Variants in ZIC5 observed in about 807,000 individuals in gnomAD.
ZIC5 encodes zinc finger protein ZIC 5.
ZIC5 carries 20 observed loss-of-function variants against 28.5 expected under a neutral mutation model. The ratio of observed to expected loss-of-function variants is 0.70; its 90% CI spans 0.49 to 1.02. The LOEUF is 1.02. Ranked by LOEUF, ZIC5 falls within the 50% of genes least tolerant of loss-of-function variation. ZIC5 has a pLI of 0.00. For missense variants in ZIC5, 951 were observed against 899.7 expected (o/e 1.06, Z -0.73); for synonymous variants, 488 against 410.4 (o/e 1.19, Z -2.29).
Position 99,971,527 on chromosome 13 carries a change from A to C in ZIC5, c.77T>G (p.Leu26Arg). The change falls in exon 1 of 2, where the codon CTT becomes CGT. Residue 26 changes from leucine to arginine, a missense_variant. Around this residue, in one of 3 missense-constraint regions of ZIC5, gnomAD observed 784 missense variants for 660.1 expected, o/e 1.19. Transcript: ENST00000267294. ...ADLATAQVQP[L>R]QNMTGFPALA... ...CGCCGGGAAGCCTGTCATATTCTGA[A>C]GCGGCTGGACCTGAGCCGTTGCCAA... 3 of 1,551,966 alleles carry C rather than the reference A, an allele frequency of 1.9e-6. No homozygotes were observed. In the South Asian group the frequency reaches 3.6e-5, roughly 18 times the overall value.
At chr13:99,968,882 C>T (rs2053122579) in intron 1 of ZIC5, among the ~76,000 whole-genome samples, 1 of 152,192 alleles carries the variant, frequency 6.6e-6, no homozygotes, top group South Asian at 2.1e-4. Flanking sequence ...CCAAGGCTCC[C>T]GCCTCGGGCC....
intron 1 of ZIC5, among the ~76,000 whole-genome samples, chr13:99,968,351 G>C (rs531085231): frequency 6.6e-6 from 1 of 152,298 alleles, no homozygotes; most frequent in South Asian, 2.1e-4. Flanking sequence ...CGCCGGGAGG[G>C]GGCAGGAAAT....
chr13:99,971,078 G>T lies in ZIC5; in HGVS notation c.526C>A (p.Arg176=). 7.0e-7 allele frequency: 1 copy of T among 1,433,960 alleles called. No homozygotes were observed. The highest frequency in any genetic ancestry group is 9.1e-7 in the Non-Finnish European group (1 of 1,104,538). 88.8% of individuals were successfully genotyped at this position (1,433,960 alleles called of 1,614,324 possible). ...GGGGCCGTGGCGGAAAGGTCCCTCCGGAGGACGAAGTCCCTGCTGTGGCCT... is the reference window on the plus strand; with the variant it reads ...GGGGCCGTGGCGGAAAGGTCCCTCCTGAGGACGAAGTCCCTGCTGTGGCCT... ...GKGHSRDFVL[R]RDLSATAPAA... is the part of the protein sequence containing the mutation. The change falls in exon 1 of 2, where the codon CGG becomes AGG. Residue 176 remains arginine, a synonymous_variant. Coordinates refer to ENST00000267294, the MANE Select transcript of ZIC5 (RefSeq NM_033132.5).
At chr13:99,966,789 C>T (rs531225584) in intron 1 of ZIC5, among the ~76,000 whole-genome samples, 1 of 152,270 alleles carries the variant, frequency 6.6e-6, no homozygotes, top group African/African-American at 2.4e-5. Flanking sequence ...GCCTCTAGTC[C>T]AGGAAATGGA....
At position 99,970,356 on chromosome 13, in the gene ZIC5, C is replaced by T. The variant is rs1294836101; in HGVS notation, c.1248G>A (p.Glu416=). 2.5e-6 allele frequency: 4 copies of T among 1,603,680 alleles called. No homozygotes were observed. The East Asian group carries it at 9.1e-5, about 36-fold the overall frequency. The change falls in exon 1 of 2, where the codon GAG becomes GAA. Residue 416 remains glutamate (E), a synonymous_variant. Transcript: ENST00000267294. ...PCSKTFGTMH[E]LVNHVTVEHV... ...GCTCCACCGTGACGTGATTCACCAG[C>T]TCGTGCATGGTGCCGAAAGTTTTGG...
Position 99,971,297 on chromosome 13 carries a change from AGGCTGCAGCACG to A in ZIC5, c.295_306del (p.Arg99_Ala102del). 1 of 1,363,464 alleles carries A rather than the reference AGGCTGCAGCACG, an allele frequency of 7.3e-7. No homozygotes were observed. The allele number at this position is 1,363,464 out of a possible 1,614,324, so 84.5% of individuals were successfully genotyped here. On this transcript the variant is annotated inframe_deletion, in exon 1 of 2. Transcript: ENST00000267294. ...CTGCCCGCGCCGGGGTGCGCGACCAAGGCTGCAGCACGGGCGGCGGCTGCCGGAGCCTCCGGG... is the reference window on the plus strand; with the variant it reads ...CTGCCCGCGCCGGGGTGCGCGACCAAGGCGGCGGCTGCCGGAGCCTCCGGG...
At position 99,971,666 on chromosome 13, in the gene ZIC5, T is replaced by G. The variant is rs1237776509; in HGVS notation, c.-63A>C. On this transcript the variant is annotated 5_prime_UTR_variant, in exon 1 of 2. Transcript: ENST00000267294. ...GGGACTTTATTCCCTCTGCCCGCCT[T>G]CAAAAACATGTATGTATTGGGCGCT... The G allele has an allele frequency of 3.2e-6, 5 of 1,556,232 alleles. No homozygotes were observed. In the African/African-American group the frequency reaches 4.1e-5, roughly 13 times the overall value.
chr13:99,970,676 G>A lies in ZIC5; in HGVS notation c.928C>T (p.Leu310=). ...LHGYGAVNLN[L]NLAAAAAAAA... is the part of the protein sequence containing the mutation. ...GCGGCCGCCGCAGCCGCCAGGTTCA[G>A]GTTTAAGTTCACGGCTCCGTAGCCG... Residue 310 remains leucine, a synonymous_variant, in exon 1 of 2, where the codon CTG becomes TTG. Transcript: ENST00000267294. 8.4e-7 allele frequency: 1 copy of A among 1,193,564 alleles called. No homozygotes were observed. Among genetic ancestry groups the A allele is most frequent in the Non-Finnish European group, 1.0e-6 (1 of 953,250 alleles). 73.9% of individuals were successfully genotyped at this position (1,193,564 alleles called of 1,614,324 possible).
intron 1 of ZIC5, among the ~76,000 whole-genome samples, chr13:99,968,142 C>T (rs543356409): frequency 4.6e-5 from 7 of 152,198 alleles, no homozygotes; most frequent in Admixed American, 3.3e-4. Flanking sequence ...GTTCCGGGAT[C>T]CCGGATAACC....
Position 99,965,232 on chromosome 13 carries a change from G to GAATAATATGAATATTCA in ZIC5, c.*144_*145insTGAATATTCATATTATT, listed in dbSNP as rs2053090180. On this transcript the variant is annotated 3_prime_UTR_variant, in exon 2 of 2. Transcript: ENST00000267294. Reference sequence around the variant, plus strand: ...TTAATTAAATGTACAAACACCATAGGGTTTCATACTGAATAAATAGGGCTA... The same window carrying GAATAATATGAATATTCA: ...TTAATTAAATGTACAAACACCATAGGAATAATATGAATATTCAGTTTCATACTGAATAAATAGGGCTA... 2 of 605,342 alleles carry GAATAATATGAATATTCA rather than the reference G, an allele frequency of 3.3e-6. No homozygotes were observed. Among genetic ancestry groups the GAATAATATGAATATTCA allele is most frequent in the Non-Finnish European group, 5.4e-6 (2 of 369,666 alleles). The allele number at this position is 605,342 out of a possible 1,614,324, so 37.5% of individuals were successfully genotyped here. A position where few individuals can be genotyped will look rare whatever the true frequency, so the allele number is the denominator to read the frequency against.
At chr13:99,968,928 C>A (rs982742707) in intron 1 of ZIC5, among the ~76,000 whole-genome samples, 2 of 152,188 alleles carry the variant, frequency 1.3e-5, no homozygotes, top group African/African-American at 4.8e-5. Flanking sequence ...GCCCCGAGCG[C>A]CCCCGGCCCG....
At chr13:99,971,793 G>T (rs1319150215), upstream of ZIC5, 3 of 1,355,610 alleles carry the variant, frequency 2.2e-6, no homozygotes, top group Non-Finnish European at 3.0e-6. Flanking sequence ...GCTGCACAGT[G>T]GGACCGAGAT....
rs1164208780 is a variant in ZIC5 at position 99,963,437 on chromosome 13, T to C, written c.*1940A>G. 1 of 152,544 alleles carries C rather than the reference T, an allele frequency of 6.6e-6. No individual in the cohort carries two copies. Among genetic ancestry groups the C allele is most frequent in the Non-Finnish European group, 1.5e-5 (1 of 68,020 alleles). 9.4% of individuals were successfully genotyped at this position (152,544 alleles called of 1,614,324 possible). ...TATTCAAGTTTTAAGGTCTTTTTCTTTATAAAGGAGGGTCTGCATGTTTCA... is the reference window on the plus strand; with the variant it reads ...TATTCAAGTTTTAAGGTCTTTTTCTCTATAAAGGAGGGTCTGCATGTTTCA... On this transcript the variant is annotated 3_prime_UTR_variant, in exon 2 of 2. Transcript: ENST00000267294.
Position 99,970,553 on chromosome 13 carries a change from G to A in ZIC5, c.1051C>T (p.Pro351Ser), listed in dbSNP as rs2053144026. The A allele has an allele frequency of 1.9e-6, 2 of 1,064,384 alleles. No homozygotes were observed. The highest frequency in any genetic ancestry group is 3.3e-5 in the South Asian group (1 of 29,982). 65.9% of individuals were successfully genotyped at this position (1,064,384 alleles called of 1,614,324 possible). The change falls in exon 1 of 2, where the codon CCC (proline) becomes TCC (serine). Residue 351 changes from proline to serine, a missense_variant. Physicochemically the swap from Pro to Ser is moderately conservative, Grantham distance 74. Transcript: ENST00000267294. Reference sequence around the variant, plus strand: ...GCCCCAGCCGCCCCTGGGAGGTGGGGGTGGTGCTGGTGCGGGTGCTGCGCG... The same window carrying A: ...GCCCCAGCCGCCCCTGGGAGGTGGGAGTGGTGCTGGTGCGGGTGCTGCGCG... The part of the protein sequence containing the change: ...APAQHPHQHH[P>S]HLPGAAGAFL...
rs555306295 is a variant in ZIC5 at position 99,966,905 on chromosome 13, C to T, written c.1478-1086G>A. ...ACAGTCTAACTGAATTTTCCCTCTCCCCTTGGTATCTCTGAACTTGATAGA... is the reference window on the plus strand; with the variant it reads ...ACAGTCTAACTGAATTTTCCCTCTCTCCTTGGTATCTCTGAACTTGATAGA... On this transcript the variant is annotated intron_variant, in intron 1 of 1. Transcript: ENST00000267294. Among the ~76,000 whole-genome samples the T allele has an allele frequency of 2.0e-5, 3 of 152,302 alleles. No individual in the cohort carries two copies. In the South Asian group the frequency reaches 6.2e-4, roughly 32 times the overall value.
At position 99,970,868 on chromosome 13, in the gene ZIC5, G is replaced by T; in HGVS notation, c.736C>A (p.Pro246Thr). The change falls in exon 1 of 2, where the codon CCA (proline) becomes ACA (threonine). Residue 246 changes from proline (P) to threonine (T), a missense_variant. Pro to Thr is a conservative substitution (Grantham distance 38, BLOSUM62 -1). Around this residue, in one of 3 missense-constraint regions of ZIC5, gnomAD observed 784 missense variants for 660.1 expected, o/e 1.19. Coordinates refer to ENST00000267294, the MANE Select transcript of ZIC5 (RefSeq NM_033132.5). ...FPALHDTPGAPGGHPHPLNGQ... is the reference protein window; with the variant it reads ...FPALHDTPGATGGHPHPLNGQ... ...TTGAGCGGGTGCGGGTGGCCGCCTGGGGCCCCCGGCGTGTCGTGCAGCGCG... is the reference window on the plus strand; with the variant it reads ...TTGAGCGGGTGCGGGTGGCCGCCTGTGGCCCCCGGCGTGTCGTGCAGCGCG... 2 of 1,270,022 alleles carry T rather than the reference G, an allele frequency of 1.6e-6. No homozygotes were observed. The highest frequency in any genetic ancestry group is 2.0e-6 in the Non-Finnish European group (2 of 1,016,184). 78.7% of individuals were successfully genotyped at this position (1,270,022 alleles called of 1,614,324 possible).
intron 1 of ZIC5, 71 bp downstream of exon 1, chr13:99,970,056 C>CAGCGGCGGA: frequency 1.0e-5 from 16 of 1,596,342 alleles, no homozygotes; most frequent in Non-Finnish European, 1.4e-5. Context: ...GGAGGAGAAG[C>CAGCGGCGGA]AGCGGCGGAA....
In ZIC5 at chr13:99,971,724, T is replaced by C; in HGVS notation, c.-121A>G. On this transcript the variant is annotated 5_prime_UTR_variant, in exon 1 of 2. Transcript: ENST00000267294. ...TTCTTTTGTCCTGGCCTCTTAACTC[T>C]GCTTATTCCTGTTCCCACTCTATCC... is the stretch of plus-strand genomic sequence containing the variant. The C allele has an allele frequency of 1.9e-6, 3 of 1,547,022 alleles. No homozygotes were observed. Among genetic ancestry groups the C allele is most frequent in the Non-Finnish European group, 2.6e-6 (3 of 1,144,004 alleles).
Position 99,971,659 on chromosome 13 carries a change from C to G in ZIC5, c.-56G>C. Reference sequence around the variant, plus strand: ...CACTGGGGGGACTTTATTCCCTCTGCCCGCCTTCAAAAACATGTATGTATT... The same window carrying G: ...CACTGGGGGGACTTTATTCCCTCTGGCCGCCTTCAAAAACATGTATGTATT... On this transcript the variant is annotated 5_prime_UTR_variant, in exon 1 of 2. Transcript: ENST00000267294. The G allele has an allele frequency of 6.4e-7, 1 of 1,557,588 alleles. No individual in the cohort carries two copies. The highest frequency in any genetic ancestry group is 1.4e-5 in the African/African-American group (1 of 73,578).
Sources: allele counts gnomAD v4.1 joint callset (sites outside exome capture counted in the v4.1 genomes callset), GRCh38; gene constraint gnomAD v4.1.1; regional missense constraint gnomAD v4.1.1; transcripts MANE v1.5; gene names NCBI Gene and HGNC (gene_info 2026-07-23, HGNC 2026-07-21).